The following SPATA7 variants were observed in gnomAD, a reference collection of about 807,000 sequenced individuals.
SPATA7 encodes the protein spermatogenesis-associated protein 7.
SPATA7 carries 43 observed loss-of-function variants against 51.8 expected under a neutral mutation model. The ratio of observed to expected loss-of-function variants is 0.83; its 90% confidence interval spans 0.65 to 1.07. The LOEUF (loss-of-function observed/expected upper bound fraction) is 1.07. Among genes scored for constraint, SPATA7 ranks in the 50% least tolerant of loss-of-function variants. SPATA7 has a pLI of 0.00. For missense variants in SPATA7, 683 were observed against 701.3 expected (o/e 0.97, Z 0.30); for synonymous variants, 230 against 252.8 (o/e 0.91, Z 0.86).
At chr14:88,424,001 G>A (rs2076720582) in intron 5 of SPATA7, among the ~76,000 whole-genome samples, 1 of 152,180 alleles carries the variant, frequency 6.6e-6, no homozygotes, top group African/African-American at 2.4e-5. Context: ...TATAAACTAT[G>A]TTATGGTTAT....
At chr14:88,438,493 A>G, downstream of SPATA7, 1 of 1,206,432 alleles carries the variant, frequency 8.3e-7, no homozygotes, top group Non-Finnish European at 1.2e-6. Context: ...AAATGTATGT[A>G]TAAGATTTCT....
rs372618646 is a variant in SPATA7 at position 88,393,502 on chromosome 14, A to G, written c.190+14A>G. On this transcript the variant is annotated intron_variant, in intron 3 of 11. Coordinates refer to ENST00000393545, the MANE Select transcript of SPATA7 (RefSeq NM_018418.5). ...TTTCAGCCAAAGGTAAAAATGTGCA[A>G]ATGTGAACTCTCTGTACTCAATTTA... 6 of 1,561,566 alleles carry G rather than the reference A, an allele frequency of 3.8e-6. No homozygotes were observed. In the African/African-American group the frequency reaches 4.1e-5, roughly 11 times the overall value.
At chr14:88,426,130 T>C in intron 5 of SPATA7, 102 bp from the exon 6 acceptor site, 1 of 826,908 alleles carries the variant, frequency 1.2e-6, no homozygotes, top group Non-Finnish European at 2.0e-6. Context: ...CAGTTAATTT[T>C]GTAAACCCTT....
intron 4 of SPATA7, among the ~76,000 whole-genome samples, chr14:88,408,642 G>A (rs1277352504): frequency 1.3e-5 from 2 of 152,080 alleles, no homozygotes; most frequent in African/African-American, 4.8e-5. Context: ...TTCCGTTACT[G>A]TGTTGAATAG....
chr14:88,385,763 G>C lies in SPATA7; in HGVS notation c.-56G>C. 1 of 1,556,668 alleles carries C rather than the reference G, an allele frequency of 6.4e-7. No individual in the cohort carries two copies. Among genetic ancestry groups the C allele is most frequent in the Non-Finnish European group, 8.8e-7 (1 of 1,138,464 alleles). ...CACTGCCGGGGCTGGGCCCGGCCGC[G>C]GGAAGGACCGAAGGGGATACAGCGT... On this transcript the variant is annotated 5_prime_UTR_variant, in exon 1 of 12. Transcript: ENST00000393545.
chr14:88,391,409 T>C lies in SPATA7; in HGVS notation c.48T>C (p.Tyr16=). 1.2e-6 allele frequency: 2 copies of C among 1,613,656 alleles called. No homozygotes were observed. Among genetic ancestry groups the C allele is most frequent in the Non-Finnish European group, 1.7e-6 (2 of 1,179,718 alleles). ...GAGCAACCTCTGTCCTTCCCAGATA[T>C]GGTCCACCGTGCCTATTTAAAGGAC... ...RVRATSVLPR[Y]GPPCLFKGHL... The change falls in exon 2 of 12, where the codon TAT becomes TAC. Residue 16 remains tyrosine, a synonymous_variant. Transcript: ENST00000393545.
At chr14:88,415,684 A>G (rs1048141088) in intron 4 of SPATA7, among the ~76,000 whole-genome samples, 9 of 152,104 alleles carry the variant, frequency 5.9e-5, no homozygotes, top group East Asian at 1.9e-4. Context: ...TATTTGCTTT[A>G]TAGGATCTGT....
At chr14:88,400,885 A>T (rs557944677) in intron 4 of SPATA7, among the ~76,000 whole-genome samples, 2 of 152,278 alleles carry the variant, frequency 1.3e-5, no homozygotes, top group Admixed American at 1.3e-4. Flanking sequence ...AGAATAGCCC[A>T]GGACCAGATA....
chr14:88,389,543 AAT>A (rs1329770879), intron 1 of SPATA7, among the ~76,000 whole-genome samples: 3 of 152,146 alleles, frequency 2.0e-5, no homozygotes, highest in Non-Finnish European at 2.9e-5. Context: ...TATCTATAGG[AAT>A]ATTAGAAACC....
At chr14:88,398,150 G>A (rs190284373) in intron 4 of SPATA7, among the ~76,000 whole-genome samples, 59 of 151,968 alleles carry the variant, frequency 3.9e-4, no homozygotes, top group Middle Eastern at 3.5e-3. Flanking sequence ...TTTGATTGTC[G>A]TATTAATCAT....
downstream of SPATA7, among the ~76,000 whole-genome samples, chr14:88,456,431 TG>T (rs1327770126): frequency 6.6e-6 from 1 of 152,090 alleles, no homozygotes; most frequent in Non-Finnish European, 1.5e-5. Flanking sequence ...TGGTGTGAGA[TG>T]GTATCTCATT....
intron 7 of SPATA7, chr14:88,428,781 A>C (rs1381566442): frequency 1.9e-5 from 3 of 154,016 alleles, no homozygotes; most frequent in African/African-American, 7.2e-5. Context: ...TAACTGCAGT[A>C]GATCCATATT....
rs1298108304 is a variant in SPATA7 at position 88,469,680 on chromosome 14, G to A, written c.255-167G>A. ...TAAACCTTCCATAGGTGACAGTGTT[G>A]TGCCTGGAACCAAGTCGTGGCCAGT... On this transcript the variant is annotated intron_variant, in intron 4 of 4. Coordinates refer to the SPATA7 transcript ENST00000556406. This position sits in a 1 kb window ranked among gnomAD's most constrained non-coding sequence, Gnocchi z 4.3. The A allele has an allele frequency of 1.2e-6, 2 of 1,614,032 alleles. No homozygotes were observed. The highest frequency in any genetic ancestry group is 1.7e-6 in the Non-Finnish European group (2 of 1,180,042).
intron 4 of SPATA7, among the ~76,000 whole-genome samples, chr14:88,465,309 A>G (rs955984265): frequency 2.0e-5 from 3 of 152,144 alleles, no homozygotes; most frequent in Admixed American, 6.5e-5. Flanking sequence ...TCCACTAAAA[A>G]TACAAAAATT....
At chr14:88,425,550 T>C (rs561479875) in intron 5 of SPATA7, among the ~76,000 whole-genome samples, 3 of 152,228 alleles carry the variant, frequency 2.0e-5, no homozygotes, top group South Asian at 2.1e-4. Flanking sequence ...AATAAAATAC[T>C]ATCTGTGTTT....
At chr14:88,395,650 T>C (rs1383780983) in intron 3 of SPATA7, among the ~76,000 whole-genome samples, 2 of 152,114 alleles carry the variant, frequency 1.3e-5, no homozygotes, top group African/African-American at 4.8e-5. Context: ...CATATCCAAA[T>C]TTCCCAGTAC....
At chr14:88,444,458 T>G (rs1478641434) in intron 3 of SPATA7, among the ~76,000 whole-genome samples, 1 of 151,344 alleles carries the variant, frequency 6.6e-6, no homozygotes, top group African/African-American at 2.5e-5. Flanking sequence ...GATGGTAGTT[T>G]CTTTTGCTGT....
chr14:88,388,735 A>C (rs2075652696), intron 1 of SPATA7, among the ~76,000 whole-genome samples: 1 of 151,828 alleles, frequency 6.6e-6, no homozygotes, highest in African/African-American at 2.4e-5. Context: ...CTAGTATATA[A>C]AACAAATTAA....
intron 7 of SPATA7, chr14:88,428,333 T>C (rs2140001518): frequency 6.6e-6 from 1 of 152,154 alleles, no homozygotes; most frequent in East Asian, 1.9e-4. Flanking sequence ...GGTTTGTCTA[T>C]TAAAATGTCA....
Sources: allele counts gnomAD v4.1 joint callset (sites outside exome capture counted in the v4.1 genomes callset), GRCh38; gene constraint gnomAD v4.1.1; non-coding constraint Gnocchi (gnomAD v3.1); transcripts MANE v1.5; gene names NCBI Gene and HGNC (gene_info 2026-07-23, HGNC 2026-07-21).